The following SORCS2 variants were observed in gnomAD, a reference collection of about 807,000 sequenced individuals.
The protein encoded by SORCS2 is sortilin related VPS10 domain containing receptor 2, also known as VPS10 domain-containing receptor SorCS2.
A neutral mutation model predicts 141.6 loss-of-function variants in SORCS2; 100 were observed. That is an observed-to-expected ratio of 0.71 (90% CI 0.60 to 0.83). The LOEUF is 0.83. Among genes scored for constraint, SORCS2 ranks in the 40% least tolerant of loss-of-function variants. SORCS2 has a pLI of 0.00. For missense variants in SORCS2, 1,646 were observed against 1,560.2 expected, an observed-to-expected ratio of 1.05 and a Z score of -0.93; for synonymous variants, 789 against 676.9, an observed-to-expected ratio of 1.17 and a Z score of -2.57.
chr4:7,576,958 G>A (rs573153235), intron 3 of SORCS2, among the ~76,000 whole-genome samples: 11 of 152,208 alleles, frequency 7.2e-5, no homozygotes, highest in Non-Finnish European at 1.0e-4. Context: ...GAAATGAGCA[G>A]GGTGGATATT....
intron 1 of SORCS2, among the ~76,000 whole-genome samples, chr4:7,254,884 C>A (rs752351571): frequency 6.6e-5 from 10 of 152,090 alleles, no homozygotes; most frequent in African/African-American, 1.4e-4. Context: ...GAGTGCAGAT[C>A]TGACTCAGCA....
intron 2 of SORCS2, among the ~76,000 whole-genome samples, chr4:7,422,854 T>A (rs76661828): frequency 6.6e-6 from 1 of 152,124 alleles, no homozygotes; most frequent in Non-Finnish European, 1.5e-5. Context: ...TGCTAATAAC[T>A]GACCCAGGGC....
At chr4:7,310,736 T>C (rs1213560478) in intron 1 of SORCS2, among the ~76,000 whole-genome samples, 1 of 152,206 alleles carries the variant, frequency 6.6e-6, no homozygotes, top group Non-Finnish European at 1.5e-5. Flanking sequence ...GATTTGAGTT[T>C]GTCCCTGAAG....
At chr4:7,296,672 GC>G (rs1446742107) in intron 1 of SORCS2, among the ~76,000 whole-genome samples, 3 of 152,234 alleles carry the variant, frequency 2.0e-5, no homozygotes, top group Non-Finnish European at 4.4e-5. Flanking sequence ...AATCGGAGTA[GC>G]CCCAGCCACT....
At chr4:7,509,448 G>A (rs1424115479) in intron 2 of SORCS2, among the ~76,000 whole-genome samples, 1 of 152,214 alleles carries the variant, frequency 6.6e-6, no homozygotes, top group East Asian at 1.9e-4. Flanking sequence ...GAATGGGCTG[G>A]GGGCAGCAGG....
chr4:7,599,823 CTT>C (rs1370483227), intron 3 of SORCS2, among the ~76,000 whole-genome samples: 21 of 139,056 alleles, frequency 1.5e-4, no homozygotes, highest in Admixed American at 2.2e-4. Context: ...TTTCTTTTTT[CTT>C]TTTTTTTTTT....
At chr4:7,216,943 T>C (rs1422115469) in intron 1 of SORCS2, among the ~76,000 whole-genome samples, 1 of 152,226 alleles carries the variant, frequency 6.6e-6, no homozygotes, top group African/African-American at 2.4e-5. Context: ...CCGTCCGCAC[T>C]GCGTGGCGGT....
intron 14 of SORCS2, among the ~76,000 whole-genome samples, chr4:7,709,461 C>T (rs1400233244): frequency 1.3e-5 from 2 of 152,246 alleles, no homozygotes; most frequent in Non-Finnish European, 2.9e-5. Flanking sequence ...GAATTCACAG[C>T]CAGGTGCTAT....
chr4:7,717,889 G>C, intron 17 of SORCS2, 123 bp from the exon 18 acceptor site: 1 of 1,004,202 alleles, frequency 1.0e-6, no homozygotes, highest in Non-Finnish European at 1.4e-6. Context: ...TTAGCAAGTA[G>C]AGTCCTAGGG....
Position 7,733,376 on chromosome 4 carries a change from C to A in SORCS2, c.3163C>A (p.Arg1055=). ...LNAQKISFLL[R]GGVRVLVALR... The stretch of plus-strand genomic sequence containing the variant: ...CGCACAGAAGATCAGCTTCCTCCTG[C>A]GAGGCGGAGTCCGGGTCCTGGTGGC... Residue 1055 remains arginine (R), a synonymous_variant, in exon 24 of 27, where the codon CGA becomes AGA. Transcript: ENST00000507866. The A allele has an allele frequency of 6.3e-7, 1 of 1,589,220 alleles. No individual in the cohort carries two copies. Among genetic ancestry groups the A allele is most frequent in the Non-Finnish European group, 8.6e-7 (1 of 1,168,566 alleles).
intron 1 of SORCS2, among the ~76,000 whole-genome samples, chr4:7,283,025 A>G (rs1249608313): frequency 6.7e-6 from 1 of 149,624 alleles, no homozygotes; most frequent in Non-Finnish European, 1.5e-5. Flanking sequence ...CCATTCACTC[A>G]TTTATTCATC....
At chr4:7,377,394 T>G (rs765274385) in intron 1 of SORCS2, among the ~76,000 whole-genome samples, 3 of 152,088 alleles carry the variant, frequency 2.0e-5, no homozygotes, top group Non-Finnish European at 4.4e-5. Context: ...AGGGTCTGAT[T>G]CCGGTGGAAG....
At chr4:7,349,767 A>G (rs747210346) in intron 1 of SORCS2, among the ~76,000 whole-genome samples, 12 of 152,174 alleles carry the variant, frequency 7.9e-5, no homozygotes, top group Admixed American at 3.3e-4. Flanking sequence ...GTTTCAGTGC[A>G]TGGGCCGGAG....
At chr4:7,504,284 C>T (rs928063177) in intron 2 of SORCS2, among the ~76,000 whole-genome samples, 1 of 152,202 alleles carries the variant, frequency 6.6e-6, no homozygotes, top group African/African-American at 2.4e-5. Flanking sequence ...AATGCCTTTG[C>T]CTGGAGAACC....
intron 1 of SORCS2, among the ~76,000 whole-genome samples, chr4:7,355,176 C>A (rs1292575222): frequency 6.6e-6 from 1 of 152,116 alleles, no homozygotes; most frequent in Non-Finnish European, 1.5e-5. Context: ...ACCACTCTGT[C>A]CTCACGAGCT....
intron 2 of SORCS2, among the ~76,000 whole-genome samples, chr4:7,495,455 G>C (rs1731554862): frequency 1.3e-5 from 2 of 152,214 alleles, no homozygotes; most frequent in South Asian, 2.1e-4. Context: ...TCTGGGCCTT[G>C]CTTTCCCCAT....
At chr4:7,459,013 G>A (rs1729112703) in intron 2 of SORCS2, among the ~76,000 whole-genome samples, 1 of 152,168 alleles carries the variant, frequency 6.6e-6, no homozygotes, top group African/African-American at 2.4e-5. Context: ...AGGGGTCAGA[G>A]AGAAGCCTGC....
chr4:7,662,267 G>A (rs1032034310), intron 6 of SORCS2, among the ~76,000 whole-genome samples: 16 of 138,396 alleles, frequency 1.2e-4, no homozygotes, highest in African/African-American at 3.5e-4. Flanking sequence ...TTGGGCAGGC[G>A]GGGCCAGTGC....
At chr4:7,672,215 C>A (rs982038393) in intron 8 of SORCS2, among the ~76,000 whole-genome samples, 2 of 152,126 alleles carry the variant, frequency 1.3e-5, no homozygotes, top group African/African-American at 2.4e-5. Flanking sequence ...AGTGCTGGGA[C>A]TACAGCCGTG....
Sources: allele counts gnomAD v4.1 joint callset (sites outside exome capture counted in the v4.1 genomes callset), GRCh38; gene constraint gnomAD v4.1.1; transcripts MANE v1.5; gene names NCBI Gene and HGNC (gene_info 2026-07-23, HGNC 2026-07-21).